PGM2: variants seen among roughly 807,000 people sequenced by gnomAD.
PGM2 encodes phosphoglucomutase 2, also known as phosphopentomutase.
In PGM2, 57 loss-of-function variants were observed where a neutral mutation model predicts 74.6. The ratio of observed to expected loss-of-function variants is 0.76; its 90% CI spans 0.62 to 0.95. The LOEUF is 0.95. PGM2 is among the 40% of genes least tolerant of loss of function. The pLI is 0.00. For missense variants in PGM2, 706 were observed against 741.9 expected, an observed-to-expected ratio of 0.95 and a Z score of 0.56; for synonymous variants, 273 against 260.7, an observed-to-expected ratio of 1.05 and a Z score of -0.46.
At chr4:37,860,374 T>C (rs1711726246) in intron 13 of PGM2, among the ~76,000 whole-genome samples, 1 of 152,172 alleles carries the variant, frequency 6.6e-6, no homozygotes, top group South Asian at 2.1e-4. Flanking sequence ...TTGGGCCAGG[T>C]TCAGTGCTAA....
intron 12 of PGM2, among the ~76,000 whole-genome samples, chr4:37,850,803 C>A (rs1269624761): frequency 1.3e-5 from 2 of 151,794 alleles, no homozygotes; most frequent in Non-Finnish European, 2.9e-5. Flanking sequence ...CCAGCCTGGC[C>A]AACATGGTGA....
chr4:37,860,549 A>G (rs1351545214), intron 13 of PGM2, among the ~76,000 whole-genome samples: 6 of 152,232 alleles, frequency 3.9e-5, no homozygotes, highest in Admixed American at 3.9e-4. Flanking sequence ...CTACAATGAA[A>G]TGGATTGCTT....
chr4:37,844,383 A>G lies in PGM2; in HGVS notation c.739A>G (p.Lys247Glu), dbSNP rs779089658. The change falls in exon 7 of 14, where the codon AAG becomes GAG. Residue 247 changes from lysine (K) to glutamate (E), a missense_variant. Physicochemically the swap from Lys to Glu is moderately conservative, Grantham distance 56. Transcript: ENST00000381967. ...TTCTAGGAGCGTGAACAGGGAGACAAAGGTGAAGTTTGTGCACACCTCTGT... is the reference window on the plus strand; with the variant it reads ...TTCTAGGAGCGTGAACAGGGAGACAGAGGTGAAGTTTGTGCACACCTCTGT... ...CFHRSVNRET[K>E]VKFVHTSVHG... The G allele has an allele frequency of 1.1e-5, 17 of 1,608,884 alleles. No individual in the cohort carries two copies. The highest frequency in any genetic ancestry group is 1.3e-5 in the African/African-American group (1 of 74,688).
At chr4:37,852,946 G>T (rs745641582) in intron 12 of PGM2, among the ~76,000 whole-genome samples, 5 of 152,058 alleles carry the variant, frequency 3.3e-5, no homozygotes, top group Non-Finnish European at 7.4e-5. Context: ...GAGCTAATTG[G>T]TTATTTTTTA....
chr4:37,843,591 T>C (rs115815679), intron 6 of PGM2, among the ~76,000 whole-genome samples: 1,693 of 151,232 alleles, frequency 0.011, 17 homozygotes, highest in Middle Eastern at 0.024. Context: ...ACAAAAAGTT[T>C]TATTTATTTA....
Position 37,840,038 on chromosome 4 carries a change from C to A in PGM2, c.526-28C>A, listed in dbSNP as rs764428358. Reference sequence around the variant, plus strand: ...TGCCTTATTTCCATTAACTGTAAACCTTCTGAATGTGTTCCTGGGTCCTCT... The same window carrying A: ...TGCCTTATTTCCATTAACTGTAAACATTCTGAATGTGTTCCTGGGTCCTCT... On this transcript the variant is annotated intron_variant, in intron 5 of 13. Transcript: ENST00000381967. The A allele has an allele frequency of 5.0e-6, 8 of 1,590,948 alleles. No individual in the cohort carries two copies. The South Asian group carries it at 8.9e-5, about 18-fold the overall frequency.
In PGM2 at chr4:37,840,151, C is replaced by T. The variant is rs138680388; in HGVS notation, c.611C>T (p.Pro204Leu). 56 of 1,613,192 alleles carry T rather than the reference C, an allele frequency of 3.5e-5. No individual in the cohort carries two copies. The highest frequency in any genetic ancestry group is 5.3e-5 in the African/African-American group (4 of 74,898). Residue 204 changes from proline (P) to leucine (L), a missense_variant, in exon 6 of 14, where the codon CCT becomes CTT. This residue lies in a region of PGM2 where 332 missense variants were observed against 334.9 expected (regional missense o/e 0.99). Coordinates refer to ENST00000381967, the MANE Select transcript of PGM2 (RefSeq NM_018290.4). ...QAIEENLEPW[P>L]QAWDDSLIDS... is the part of the protein sequence containing the mutation. ...ATTGAAGAAAATCTAGAACCGTGGC[C>T]TCAAGCTTGGGACGATTCTTTAATT...
chr4:37,830,962 G>T (rs1725426580), intron 2 of PGM2, among the ~76,000 whole-genome samples: 1 of 152,074 alleles, frequency 6.6e-6, no homozygotes, highest in South Asian at 2.1e-4. Flanking sequence ...GGGAGGCTGA[G>T]CCAGGCAGAT....
chr4:37,860,878 T>C (rs1197902379), intron 13 of PGM2, among the ~76,000 whole-genome samples: 1 of 152,174 alleles, frequency 6.6e-6, no homozygotes, highest in Non-Finnish European at 1.5e-5. Context: ...GGGATTTGTC[T>C]CCCCAGATTC....
At chr4:37,830,257 C>T in intron 2 of PGM2, 126 bp downstream of exon 2, 1 of 591,712 alleles carries the variant, frequency 1.7e-6, no homozygotes, top group East Asian at 3.1e-5. Flanking sequence ...GAAGTCACCA[C>T]CATTTACTCC....
chr4:37,843,257 G>T (rs10000528), intron 6 of PGM2, among the ~76,000 whole-genome samples: 5 of 152,072 alleles, frequency 3.3e-5, no homozygotes, highest in African/African-American at 1.2e-4. Context: ...TTTAATTACT[G>T]TAGGTTTATT....
intron 13 of PGM2, among the ~76,000 whole-genome samples, chr4:37,859,848 T>G (rs1711705159): frequency 6.6e-6 from 1 of 152,208 alleles, no homozygotes; most frequent in South Asian, 2.1e-4. Context: ...TCCATCTAGA[T>G]TCTTTTCAGA....
intron 13 of PGM2, among the ~76,000 whole-genome samples, chr4:37,860,469 T>C (rs1459110940): frequency 1.3e-5 from 2 of 152,238 alleles, no homozygotes; most frequent in African/African-American, 4.8e-5. Flanking sequence ...ATGAGGAATC[T>C]GGGCCTTAGA....
At chr4:37,841,072 GTA>G (rs36127170) in intron 6 of PGM2, among the ~76,000 whole-genome samples, 5,222 of 113,670 alleles carry the variant, frequency 0.046, 223 homozygotes, top group East Asian at 0.23. Context: ...ATATGCAAGC[GTA>G]TATATATATA....
rs1198005953 is a variant in PGM2, at chr4:37,847,288, A to G, written c.1275A>G (p.Glu425=). ...QGKTVLFAFE[E]AIGYMCCPFV... is the part of the protein sequence containing the mutation. Reference sequence around the variant, plus strand: ...AAACTGTTTTATTTGCATTTGAAGAAGCTATTGGTAAGAAGTGATCATGAA... The same window carrying G: ...AAACTGTTTTATTTGCATTTGAAGAGGCTATTGGTAAGAAGTGATCATGAA... Residue 425 remains glutamate (E), a synonymous_variant, in exon 10 of 14, where the codon GAA becomes GAG. Transcript: ENST00000381967. 1 of 1,608,400 alleles carries G rather than the reference A, an allele frequency of 6.2e-7. No individual in the cohort carries two copies. Among genetic ancestry groups the G allele is most frequent in the South Asian group, 1.1e-5 (1 of 90,946 alleles).
intron 12 of PGM2, among the ~76,000 whole-genome samples, chr4:37,854,656 C>T (rs1337577632): frequency 6.6e-6 from 1 of 151,172 alleles, no homozygotes; most frequent in Non-Finnish European, 1.5e-5. Context: ...CCGCGCCCAG[C>T]CTGGAAGCTT....
At chr4:37,840,358 A>G (rs916119664) in intron 6 of PGM2, 99 bp downstream of exon 6, 1 of 694,680 alleles carries the variant, frequency 1.4e-6, no homozygotes, top group African/African-American at 1.8e-5. Context: ...TTGCTCATGT[A>G]CTACAGCTGC....
chr4:37,840,267 A>T lies in PGM2; in HGVS notation c.719+8A>T, dbSNP rs1577675798. ...AAAGTACTGTTTCCACAGGTAAATGAATTGTGTCTTCACTGACCTTAAGTG... is the reference window on the plus strand; with the variant it reads ...AAAGTACTGTTTCCACAGGTAAATGTATTGTGTCTTCACTGACCTTAAGTG... On this transcript the variant is annotated splice_region_variant and intron_variant, in intron 6 of 13. Transcript: ENST00000381967. The T allele has an allele frequency of 6.4e-7, 1 of 1,552,514 alleles. No individual in the cohort carries two copies. Among genetic ancestry groups the T allele is most frequent in the African/African-American group, 1.4e-5 (1 of 73,560 alleles).
At chr4:37,855,558 T>A in intron 12 of PGM2, 50 bp from the exon 13 acceptor site, 1 of 1,518,280 alleles carries the variant, frequency 6.6e-7, no homozygotes, top group Non-Finnish European at 8.9e-7. Flanking sequence ...AGATATTGGT[T>A]AGGCCAGAAT....
Sources: allele counts gnomAD v4.1 joint callset (sites outside exome capture counted in the v4.1 genomes callset), GRCh38; gene constraint gnomAD v4.1.1; regional missense constraint gnomAD v4.1.1; transcripts MANE v1.5; gene names NCBI Gene and HGNC (gene_info 2026-07-23, HGNC 2026-07-21).